The following SGCZ variants were observed in gnomAD, a reference collection of about 807,000 sequenced individuals.
SGCZ encodes the protein zeta-sarcoglycan.
In SGCZ, 40 loss-of-function variants were observed where a neutral mutation model predicts 41.3. The observed-to-expected ratio is 0.97, with a 90% confidence interval of 0.75 to 1.26. The LOEUF (loss-of-function observed/expected upper bound fraction) is 1.26, where lower values mean the gene tolerates loss of function less well. SGCZ is among the 50% of genes most tolerant of loss of function. The probability of loss-of-function intolerance (pLI) is 0.00; values close to 1 mark genes in which losing one functional copy is unlikely to be tolerated. For synonymous variants in SGCZ, 206 were observed against 137.5 expected (o/e 1.50, Z -3.49); for missense variants, 552 against 369.8 (o/e 1.49, Z -4.04).
At position 14,867,410 on chromosome 8, in the gene SGCZ, G is replaced by T. The variant is rs547388819; in HGVS notation, c.40-312484C>A. Among the ~76,000 whole-genome samples the T allele has an allele frequency of 2.6e-5, 4 of 152,146 alleles. No homozygotes were observed. The South Asian group carries it at 8.3e-4, about 32-fold the overall frequency. ...CTATAGGGAATAGTACTGCAATAAA[G>T]ATACACATGCATGTATCTTTATAAT... is the stretch of plus-strand genomic sequence containing the variant. On this transcript the variant is annotated intron_variant, in intron 1 of 7. Transcript: ENST00000382080.
intron 1 of SGCZ, among the ~76,000 whole-genome samples, chr8:15,057,977 G>T (rs11992282): frequency 0.013 from 2,054 of 152,226 alleles, 47 homozygotes; most frequent in African/African-American, 0.046. Context: ...TTCCGGTGCA[G>T]CAAGCTGAAT....
intron 1 of SGCZ, among the ~76,000 whole-genome samples, chr8:14,944,300 C>A (rs529437679): frequency 6.6e-6 from 1 of 152,098 alleles, no homozygotes; most frequent in Non-Finnish European, 1.5e-5. Context: ...TAATCCCATG[C>A]CAACAGAAAC....
At chr8:14,943,508 GTCTCATAGCC>G (rs1387692644) in intron 1 of SGCZ, among the ~76,000 whole-genome samples, 1 of 152,166 alleles carries the variant, frequency 6.6e-6, no homozygotes, top group Admixed American at 6.6e-5. Flanking sequence ...ATAACTAGGT[GTCTCATAGCC>G]TCTTTCCATC....
At chr8:14,500,202 T>C (rs1016289414) in intron 2 of SGCZ, among the ~76,000 whole-genome samples, 1 of 152,130 alleles carries the variant, frequency 6.6e-6, no homozygotes, top group African/African-American at 2.4e-5. Flanking sequence ...TAAAATATAA[T>C]ATATTTTGAC....
At chr8:15,046,583 ACTTAT>A (rs1804309327) in intron 1 of SGCZ, among the ~76,000 whole-genome samples, 2 of 151,780 alleles carry the variant, frequency 1.3e-5, no homozygotes, top group South Asian at 4.2e-4. Flanking sequence ...GATATTCTAG[ACTTAT>A]CTTGTTTCCC....
chr8:15,061,510 A>C (rs1379318513), intron 1 of SGCZ, among the ~76,000 whole-genome samples: 1 of 149,996 alleles, frequency 6.7e-6, no homozygotes, highest in East Asian at 2.0e-4. Context: ...CTGCACATGT[A>C]TCCCAGAACT....
At chr8:14,777,113 C>T (rs941385904) in intron 1 of SGCZ, among the ~76,000 whole-genome samples, 3 of 152,130 alleles carry the variant, frequency 2.0e-5, no homozygotes, top group South Asian at 2.1e-4. Flanking sequence ...TTATGTCACT[C>T]TGGCTTAAAT....
At chr8:14,621,973 C>G (rs1370049926) in intron 1 of SGCZ, among the ~76,000 whole-genome samples, 2 of 151,966 alleles carry the variant, frequency 1.3e-5, no homozygotes, top group African/African-American at 4.8e-5. Flanking sequence ...CCCGCCAAGT[C>G]TATATATCTA....
chr8:14,456,884 C>A (rs925670552), intron 2 of SGCZ, among the ~76,000 whole-genome samples: 2 of 152,028 alleles, frequency 1.3e-5, no homozygotes, highest in African/African-American at 4.8e-5. Flanking sequence ...GTGCGTGGTA[C>A]CTCCCCTCCA....
At chr8:14,983,914 T>A (rs1801750249) in intron 1 of SGCZ, among the ~76,000 whole-genome samples, 2 of 152,188 alleles carry the variant, frequency 1.3e-5, no homozygotes, top group Admixed American at 6.5e-5. Context: ...TTATTATAAA[T>A]GTACCACAAA....
intron 2 of SGCZ, among the ~76,000 whole-genome samples, chr8:14,521,112 A>G (rs1198801593): frequency 2.6e-5 from 4 of 152,142 alleles, no homozygotes; most frequent in Non-Finnish European, 5.9e-5. Flanking sequence ...CAGAAAACAC[A>G]GCCAGGATAC....
intron 1 of SGCZ, among the ~76,000 whole-genome samples, chr8:15,012,255 G>C (rs1802850251): frequency 6.6e-6 from 1 of 151,784 alleles, no homozygotes; most frequent in African/African-American, 2.4e-5. Context: ...TTAAGACCAA[G>C]AATTTGAGAT....
At chr8:14,200,303 C>T (rs1817382) in intron 4 of SGCZ, among the ~76,000 whole-genome samples, 2 of 152,094 alleles carry the variant, frequency 1.3e-5, no homozygotes, top group Admixed American at 1.3e-4. Flanking sequence ...CAGGTATAGT[C>T]CATGCATTCT....
chr8:14,315,061 A>G (rs919692850), intron 3 of SGCZ, among the ~76,000 whole-genome samples: 1 of 152,162 alleles, frequency 6.6e-6, no homozygotes, highest in Non-Finnish European at 1.5e-5. Context: ...CAGGCACACA[A>G]TGCAGAATCT....
intron 3 of SGCZ, among the ~76,000 whole-genome samples, chr8:14,298,807 TGGTGTGTGTG>T (rs1429842199): frequency 6.6e-6 from 1 of 151,980 alleles, no homozygotes; most frequent in Non-Finnish European, 1.5e-5. Context: ...AAATTCTAAC[TGGTGTGTGTG>T]GGTGTGTGTG....
At chr8:14,669,229 G>T (rs1808016909) in intron 1 of SGCZ, among the ~76,000 whole-genome samples, 1 of 150,732 alleles carries the variant, frequency 6.6e-6, no homozygotes, top group South Asian at 2.1e-4. Flanking sequence ...ATAGTAGCTT[G>T]CACCTGTAAT....
At chr8:14,249,681 C>A (rs1475015071) in intron 3 of SGCZ, among the ~76,000 whole-genome samples, 2 of 152,104 alleles carry the variant, frequency 1.3e-5, no homozygotes, top group African/African-American at 4.8e-5. Context: ...CTTCTATAGT[C>A]ATTACTTTGA....
In SGCZ at chr8:14,090,421, G is replaced by T. The variant is rs767581127; in HGVS notation, c.*22C>A. 1 of 1,606,040 alleles carries T rather than the reference G, an allele frequency of 6.2e-7. No homozygotes were observed. Among genetic ancestry groups the T allele is most frequent in the Admixed American group, 1.7e-5 (1 of 59,184 alleles). ...CGGACAGGAACAAAAGGCTATTCTG[G>T]TGTGAGGAGAAATCAGTCACTTCAG... On this transcript the variant is annotated 3_prime_UTR_variant, in exon 8 of 8. Coordinates refer to ENST00000382080, the MANE Select transcript of SGCZ (RefSeq NM_139167.4).
chr8:14,298,156 A>C (rs1801076285), intron 3 of SGCZ, among the ~76,000 whole-genome samples: 1 of 151,956 alleles, frequency 6.6e-6, no homozygotes, highest in Non-Finnish European at 1.5e-5. Flanking sequence ...AAAATTTAAA[A>C]CACATTCATG....
Sources: allele counts gnomAD v4.1 joint callset (sites outside exome capture counted in the v4.1 genomes callset), GRCh38; gene constraint gnomAD v4.1.1; transcripts MANE v1.5; gene names NCBI Gene and HGNC (gene_info 2026-07-23, HGNC 2026-07-21).